The following ANK2 variants were observed in gnomAD, a reference collection of about 807,000 sequenced individuals.
ANK2 encodes ankyrin 2.
ANK2 carries 83 observed loss-of-function variants against 360.5 expected under a neutral mutation model. The observed-to-expected ratio is 0.23, with a 90% confidence interval of 0.19 to 0.28. The LOEUF (loss-of-function observed/expected upper bound fraction) is 0.28, where lower values mean the gene tolerates loss of function less well. Among genes scored for constraint, ANK2 ranks in the 10% least tolerant of loss-of-function variants. ANK2 has a pLI of 1.00. For synonymous variants in ANK2, 1,740 were observed against 1,759.5 expected (o/e 0.99, Z 0.28); for missense variants, 4,201 against 4,795.7 (o/e 0.88, Z 3.66).
rs2153633558 is a variant in ANK2, at chr4:113,258,063, C to T, written c.1202C>T (p.Pro401Leu). 1 of 1,614,038 alleles carries T rather than the reference C, an allele frequency of 6.2e-7. No individual in the cohort carries two copies. Among genetic ancestry groups the T allele is most frequent in the Non-Finnish European group, 8.5e-7 (1 of 1,179,904 alleles). The change falls in exon 12 of 46, where the codon CCA (proline) becomes CTA (leucine). Residue 401 changes from proline (P) to leucine (L), a missense_variant. By Grantham distance (98) the Pro-to-Leu change is moderately conservative. Transcript: ENST00000357077. ...TCTTTTGCACAGAATGGTTTTACTC[C>T]ACTGCACATTGCCTGCAAGAAAAAC... Reference protein sequence around the residue: ...PNARALNGFTPLHIACKKNRI... With the variant: ...PNARALNGFTLLHIACKKNRI...
intron 24 of ANK2, 77 bp from the exon 25 acceptor site, chr4:113,317,630 T>C: frequency 8.9e-7 from 1 of 1,125,044 alleles, no homozygotes; most frequent in Non-Finnish European, 1.4e-6. Flanking sequence ...TTCACTCTCC[T>C]GCTCGGCTCA....
At chr4:112,983,543 T>C in intron 2 of ANK2, among the ~76,000 whole-genome samples, 1 of 151,712 alleles carries the variant, frequency 6.6e-6, no homozygotes, top group East Asian at 1.9e-4. Context: ...TAGCTGGGTG[T>C]GGTGGCCTGT....
chr4:112,826,015 C>T (rs1049788031), intron 1 of ANK2, among the ~76,000 whole-genome samples: 8 of 152,254 alleles, frequency 5.3e-5, no homozygotes, highest in African/African-American at 9.6e-5. Flanking sequence ...AGAAGGTCAA[C>T]GAGTAACTTT....
chr4:112,790,512 G>C, the ANK2 span, among the ~76,000 whole-genome samples: 1 of 137,616 alleles, frequency 7.3e-6, no homozygotes, highest in African/African-American at 2.7e-5. Context: ...TTTTGAGATG[G>C]AGTTTTGCTC....
At chr4:112,938,667 G>A (rs1164776825) in intron 2 of ANK2, among the ~76,000 whole-genome samples, 1 of 152,204 alleles carries the variant, frequency 6.6e-6, no homozygotes, top group Non-Finnish European at 1.5e-5. Flanking sequence ...TTGCCACCTA[G>A]TGGATTACTT....
At chr4:112,975,255 C>T (rs1330642922) in intron 2 of ANK2, among the ~76,000 whole-genome samples, 1 of 152,130 alleles carries the variant, frequency 6.6e-6, no homozygotes, top group Non-Finnish European at 1.5e-5. Flanking sequence ...GTTCACTTAG[C>T]AGGAATCATA....
the ANK2 span, among the ~76,000 whole-genome samples, chr4:112,796,401 CA>C: frequency 6.6e-6 from 1 of 151,818 alleles, no homozygotes; most frequent in Non-Finnish European, 1.5e-5. Flanking sequence ...CCAGCTTGGG[CA>C]ACATGAGCGA....
intron 4 of ANK2, 105 bp downstream of exon 4, chr4:113,199,214 TAA>T (rs2098794498): frequency 1.1e-6 from 1 of 897,526 alleles, no homozygotes. Context: ...AAATTTATTA[TAA>T]GTGCTTTGTT....
intron 1 of ANK2, among the ~76,000 whole-genome samples, chr4:113,110,910 T>C (rs184212451): frequency 5.6e-4 from 85 of 152,290 alleles, no homozygotes; most frequent in Non-Finnish European, 9.6e-4. Context: ...TATAGTTGAT[T>C]TGGATGTGCT....
chr4:113,061,789 A>G (rs1025698727), intron 1 of ANK2, among the ~76,000 whole-genome samples: 1 of 152,198 alleles, frequency 6.6e-6, no homozygotes, highest in Non-Finnish European at 1.5e-5. Context: ...AGTATTAGCT[A>G]GTAAAACAGA....
At chr4:112,881,109 CAT>C (rs1253882372) in intron 1 of ANK2, among the ~76,000 whole-genome samples, 2 of 152,066 alleles carry the variant, frequency 1.3e-5, no homozygotes, top group East Asian at 1.9e-4. Flanking sequence ...ATAAAATAAA[CAT>C]ATATTATCAA....
chr4:112,949,910 TATC>T (rs1490935572), intron 2 of ANK2, among the ~76,000 whole-genome samples: 2 of 152,184 alleles, frequency 1.3e-5, no homozygotes, highest in African/African-American at 4.8e-5. Flanking sequence ...TATAATGAGA[TATC>T]ATTAAGAAAA....
the ANK2 span, among the ~76,000 whole-genome samples, chr4:112,743,077 C>T: frequency 6.6e-6 from 1 of 152,272 alleles, no homozygotes; most frequent in South Asian, 2.1e-4. Flanking sequence ...AAAAGAAAAT[C>T]TTTTCCTATA....
chr4:113,345,819 T>G (rs968760293), intron 34 of ANK2, 81 bp from the exon 35 acceptor site: 1 of 1,570,340 alleles, frequency 6.4e-7, no homozygotes, highest in Non-Finnish European at 8.8e-7. Flanking sequence ...GAATTTTACT[T>G]TTCCCTTTCA....
intron 20 of ANK2, among the ~76,000 whole-genome samples, chr4:113,290,162 G>GTTTTTTTTTTTTTTTTTTT (rs201484217): frequency 1.4e-5 from 2 of 144,448 alleles, no homozygotes; most frequent in African/African-American, 2.5e-5. Flanking sequence ...TATCATTTCA[G>GTTTTTTTTTTTTTTTTTTT]TTTTTTTTGT....
chr4:112,817,568 C>G (rs186183704), upstream of ANK2, among the ~76,000 whole-genome samples: 66 of 152,156 alleles, frequency 4.3e-4, no homozygotes, highest in Admixed American at 3.8e-3. Context: ...TGCCCATGAA[C>G]TAAACTCAGT....
At chr4:112,722,882 T>C in the ANK2 span, among the ~76,000 whole-genome samples, 8 of 152,102 alleles carry the variant, frequency 5.3e-5, no homozygotes, top group African/African-American at 1.4e-4. Context: ...GAGGATCGCT[T>C]GAGCCCAGGA....
intron 1 of ANK2, among the ~76,000 whole-genome samples, chr4:112,834,884 G>A (rs568708133): frequency 3.3e-5 from 5 of 152,156 alleles, no homozygotes; most frequent in African/African-American, 1.2e-4. Context: ...TTCTGTAGAA[G>A]GCCCCACCTT....
intron 26 of ANK2, among the ~76,000 whole-genome samples, chr4:113,323,522 G>A (rs1168906716): frequency 6.6e-6 from 1 of 152,096 alleles, no homozygotes; most frequent in African/African-American, 2.4e-5. Flanking sequence ...ATAAGCCAAT[G>A]TTGACCAAGG....
Sources: allele counts gnomAD v4.1 joint callset (sites outside exome capture counted in the v4.1 genomes callset), GRCh38; gene constraint gnomAD v4.1.1; transcripts MANE v1.5; gene names NCBI Gene and HGNC (gene_info 2026-07-23, HGNC 2026-07-21).